HSF5: variants seen among roughly 807,000 people sequenced by gnomAD.
HSF5 encodes the protein heat shock factor protein 5.
HSF5 carries 5 observed loss-of-function variants against 50.8 expected under a neutral mutation model. That is an observed-to-expected ratio of 0.10 (90% confidence interval 0.05 to 0.21). HSF5 has a LOEUF of 0.21. Among genes scored for constraint, HSF5 ranks in the 10% least tolerant of loss-of-function variants. The probability of loss-of-function intolerance (pLI) is 1.00; values close to 1 mark genes in which losing one functional copy is unlikely to be tolerated. For missense variants in HSF5, 564 were observed against 762.6 expected, an observed-to-expected ratio of 0.74 and a Z score of 3.07; for synonymous variants, 307 against 307.4, an observed-to-expected ratio of 1.00 and a Z score of 0.02.
intron 2 of HSF5, among the ~76,000 whole-genome samples, chr17:58,469,288 C>A (rs1974913526): frequency 6.6e-6 from 1 of 152,052 alleles, no homozygotes; most frequent in South Asian, 2.1e-4. Flanking sequence ...CCATTGGTTA[C>A]ACATTTTGAA....
chr17:58,433,804 G>A lies in HSF5; in HGVS notation c.1721-11374C>T, dbSNP rs556142543. Among the ~76,000 whole-genome samples the A allele has an allele frequency of 4.6e-5, 7 of 151,740 alleles. No homozygotes were observed. In the South Asian group the frequency reaches 1.5e-3, roughly 32 times the overall value. The stretch of plus-strand genomic sequence containing the variant: ...AGTTGAGCAGAAGAAAGAAAAATCT[G>A]CTTGGAGTAGTTGAAGTAAGGATAT... On this transcript the variant is annotated intron_variant, in intron 5 of 5. Transcript: ENST00000323777.
intron 2 of HSF5, among the ~76,000 whole-genome samples, chr17:58,477,519 G>T (rs1975032871): frequency 6.6e-6 from 1 of 150,496 alleles, no homozygotes; most frequent in African/African-American, 2.5e-5. Flanking sequence ...GAGTGCAGTG[G>T]CGCGATCTCG....
intron 5 of HSF5, among the ~76,000 whole-genome samples, chr17:58,427,698 C>T (rs1308174400): frequency 6.6e-6 from 1 of 152,126 alleles, no homozygotes. Context: ...AGATAAAAAA[C>T]ATTTGGTCAT....
intron 2 of HSF5, 113 bp downstream of exon 2, chr17:58,479,780 C>CCA: frequency 1.1e-6 from 1 of 880,164 alleles, no homozygotes; most frequent in South Asian, 2.1e-5. Flanking sequence ...CTTAGGTGTA[C>CCA]ATTCCTACTG....
In HSF5 at chr17:58,488,097, C is replaced by T. The variant is rs747005951; in HGVS notation, c.178G>A (p.Gly60Ser). Residue 60 changes from glycine (G) to serine (S), a missense_variant, in exon 1 of 6, where the codon GGC becomes AGC. Transcript: ENST00000323777. The surrounding 1 kb of genome is among the most constrained non-coding windows in gnomAD (Gnocchi z 4.1). ...TCGGCCCCGGCCCCCGCAGTCCCGCCACCGCCCCCCGGCCCGGGCGGGCTG... is the reference window on the plus strand; with the variant it reads ...TCGGCCCCGGCCCCCGCAGTCCCGCTACCGCCCCCCGGCCCGGGCGGGCTG... Reference protein sequence around the residue: ...LLSPPGPGGGGGTAGAGAEPE... With the variant: ...LLSPPGPGGGSGTAGAGAEPE... The T allele has an allele frequency of 1.3e-6, 2 of 1,571,140 alleles. No homozygotes were observed. The highest frequency in any genetic ancestry group is 2.3e-5 in the South Asian group (2 of 87,858).
intron 5 of HSF5, among the ~76,000 whole-genome samples, chr17:58,438,271 C>T (rs1024859343): frequency 2.8e-4 from 43 of 152,304 alleles, no homozygotes; most frequent in Middle Eastern, 3.4e-3. Flanking sequence ...AATACAGTAA[C>T]ATGCTGTAAG....
intron 2 of HSF5, among the ~76,000 whole-genome samples, chr17:58,477,474 T>C (rs1030043422): frequency 2.0e-5 from 3 of 150,950 alleles, no homozygotes; most frequent in Admixed American, 6.6e-5. Context: ...TTTTTTTTTT[T>C]TTTGAGACGG....
At chr17:58,462,444 C>T (rs994342236) in intron 4 of HSF5, among the ~76,000 whole-genome samples, 2 of 152,132 alleles carry the variant, frequency 1.3e-5, no homozygotes, top group Admixed American at 6.5e-5. Flanking sequence ...AATTATCAGC[C>T]AGGCATATCT....
At chr17:58,474,244 AT>A (rs1395937722) in intron 2 of HSF5, among the ~76,000 whole-genome samples, 4 of 152,158 alleles carry the variant, frequency 2.6e-5, no homozygotes. Flanking sequence ...GGGTATTTTT[AT>A]GGCACTTTCT....
At chr17:58,476,128 T>G in intron 2 of HSF5, 1 of 1,009,314 alleles carries the variant, frequency 9.9e-7, no homozygotes, top group Non-Finnish European at 1.4e-6. Context: ...CAGTGTTCTA[T>G]TAGTCATCTT....
intron 5 of HSF5, among the ~76,000 whole-genome samples, chr17:58,426,505 C>T (rs983320554): frequency 1.3e-5 from 2 of 152,214 alleles, no homozygotes; most frequent in African/African-American, 4.8e-5. Context: ...AAGAGCATTG[C>T]ATCTACTTGT....
chr17:58,444,083 A>G (rs1000266089), intron 5 of HSF5, among the ~76,000 whole-genome samples: 2 of 152,250 alleles, frequency 1.3e-5, no homozygotes, highest in African/African-American at 2.4e-5. Flanking sequence ...GAAATTAAAG[A>G]TGACACTAAT....
intron 1 of HSF5, among the ~76,000 whole-genome samples, chr17:58,483,859 T>C (rs1266239165): frequency 2.0e-5 from 3 of 152,166 alleles, no homozygotes; most frequent in Admixed American, 6.5e-5. Context: ...GATTCTATTA[T>C]AGAGAGAGAA....
chr17:58,488,101 G>GC lies in HSF5; in HGVS notation c.173dup (p.Gly59ArgfsTer141). 1 of 1,463,784 alleles carries GC rather than the reference G, an allele frequency of 6.8e-7. No individual in the cohort carries two copies. 90.7% of individuals were successfully genotyped at this position (1,463,784 alleles called of 1,614,324 possible). On this transcript the variant is annotated frameshift_variant, in exon 1 of 6. Transcript: ENST00000323777. LOFTEE classifies it high-confidence loss of function. The surrounding 1 kb of genome is among the most constrained non-coding windows in gnomAD (Gnocchi z 4.1). ...CCCCGGCCCCCGCAGTCCCGCCACC[G>GC]CCCCCCGGCCCGGGCGGGCTGAGCA...
At chr17:58,480,416 A>G (rs1975081401) in intron 1 of HSF5, 149 bp from the exon 2 acceptor site, 2 of 687,700 alleles carry the variant, frequency 2.9e-6, no homozygotes, top group African/African-American at 3.6e-5. Flanking sequence ...GTTCAGAATC[A>G]AGAATATGAG....
Position 58,462,765 on chromosome 17 carries a change from T to C in HSF5, c.1542+17A>G. ...GTACTTTGAGCTTTATAAGCATTTTTTTCTTTGCCCCCTTACCTGGTGTGT... is the reference window on the plus strand; with the variant it reads ...GTACTTTGAGCTTTATAAGCATTTTCTTCTTTGCCCCCTTACCTGGTGTGT... On this transcript the variant is annotated intron_variant, in intron 4 of 5. Transcript: ENST00000323777. The C allele has an allele frequency of 6.4e-7, 1 of 1,562,146 alleles. No homozygotes were observed. Among genetic ancestry groups the C allele is most frequent in the Non-Finnish European group, 8.6e-7 (1 of 1,158,348 alleles).
intron 5 of HSF5, among the ~76,000 whole-genome samples, chr17:58,453,273 C>T (rs541006924): frequency 6.6e-6 from 1 of 152,206 alleles, no homozygotes; most frequent in South Asian, 2.1e-4. Flanking sequence ...CCCTGAAGAA[C>T]ACACATGCAA....
chr17:58,461,823 T>C (rs1370984727), intron 4 of HSF5, among the ~76,000 whole-genome samples: 1 of 152,160 alleles, frequency 6.6e-6, no homozygotes, highest in Non-Finnish European at 1.5e-5. Flanking sequence ...TGAGCTGAGA[T>C]TGCACCACTG....
At chr17:58,456,143 ATATATATATGTGTGTGTG>A (rs1324357562) in intron 5 of HSF5, among the ~76,000 whole-genome samples, 1 of 137,734 alleles carries the variant, frequency 7.3e-6, no homozygotes, top group Non-Finnish European at 1.5e-5. Flanking sequence ...GTGTGTGTAT[ATATATATATGTGTGTGTG>A]TATATACACA....
Sources: allele counts gnomAD v4.1 joint callset (sites outside exome capture counted in the v4.1 genomes callset), GRCh38; gene constraint gnomAD v4.1.1; non-coding constraint Gnocchi (gnomAD v3.1); transcripts MANE v1.5; gene names NCBI Gene and HGNC (gene_info 2026-07-23, HGNC 2026-07-21).